DCUN1D3: variants seen among roughly 807,000 people sequenced by gnomAD.
The protein encoded by DCUN1D3 is DCN1-like protein 3.
Under a neutral mutation model 24.8 loss-of-function variants are expected in DCUN1D3, and 6 were observed. The observed-to-expected ratio is 0.24, with a 90% CI of 0.13 to 0.48. The LOEUF (loss-of-function observed/expected upper bound fraction) is 0.48. Ranked by LOEUF, DCUN1D3 falls within the 20% of genes least tolerant of loss-of-function variation. DCUN1D3 has a pLI of 0.99. For missense variants in DCUN1D3, 258 were observed against 379.4 expected, an observed-to-expected ratio of 0.68 and a Z score of 2.66; for synonymous variants, 120 against 144.9, an observed-to-expected ratio of 0.83 and a Z score of 1.24.
At chr16:20,877,030 G>A (rs954917844) in intron 1 of DCUN1D3, among the ~76,000 whole-genome samples, 1 of 152,122 alleles carries the variant, frequency 6.6e-6, no homozygotes, top group Admixed American at 6.5e-5. Context: ...GGAAAAATCA[G>A]TAGGGTGACT....
chr16:20,872,408 G>C (rs1158363282), intron 1 of DCUN1D3, among the ~76,000 whole-genome samples: 2 of 151,790 alleles, frequency 1.3e-5, no homozygotes, highest in African/African-American at 2.4e-5. Context: ...GGAGCCAAAG[G>C]CCTCTAAGTA....
intron 1 of DCUN1D3, among the ~76,000 whole-genome samples, chr16:20,894,987 T>C (rs934325633): frequency 2.6e-5 from 4 of 151,888 alleles, no homozygotes; most frequent in South Asian, 2.1e-4. Context: ...CGACCAACCA[T>C]GGGTCAAAAA....
In DCUN1D3 at chr16:20,857,330, G is replaced by A. The variant is rs1466993976; in HGVS notation, c.*2556C>T. 6.6e-6 allele frequency: 1 copy of A among 152,216 alleles called. No individual in the cohort carries two copies. The highest frequency in any genetic ancestry group is 2.4e-5 in the African/African-American group (1 of 41,446). The allele number at this position is 152,216 out of a possible 1,614,324, so 9.4% of individuals were successfully genotyped here. Reference sequence around the variant, plus strand: ...AATGGCTTTTTTGGTGGGGGATGAGGAGGCTAAATAGTTAATTTAAAAAAC... The same window carrying A: ...AATGGCTTTTTTGGTGGGGGATGAGAAGGCTAAATAGTTAATTTAAAAAAC... On this transcript the variant is annotated 3_prime_UTR_variant, in exon 3 of 3. Transcript: ENST00000324344.
chr16:20,889,972 C>G (rs2081884727), intron 1 of DCUN1D3, among the ~76,000 whole-genome samples: 1 of 152,116 alleles, frequency 6.6e-6, no homozygotes, highest in South Asian at 2.1e-4. Context: ...AAACCTCAAT[C>G]AGAACTCCGA....
At chr16:20,875,210 GCACACA>G (rs3222584) in intron 1 of DCUN1D3, among the ~76,000 whole-genome samples, 5,608 of 140,218 alleles carry the variant, frequency 0.04, 138 homozygotes, top group East Asian at 0.087. Flanking sequence ...GTGCGCTCAT[GCACACA>G]CACACACACA....
chr16:20,868,592 T>C (rs1223144692), intron 1 of DCUN1D3, among the ~76,000 whole-genome samples: 2 of 152,222 alleles, frequency 1.3e-5, no homozygotes, highest in African/African-American at 4.8e-5. Context: ...ATTTGGTTGG[T>C]GTTAGCCTCT....
chr16:20,873,526 T>C (rs969102372), intron 1 of DCUN1D3, among the ~76,000 whole-genome samples: 1 of 152,238 alleles, frequency 6.6e-6, no homozygotes, highest in Non-Finnish European at 1.5e-5. Context: ...TAACATGGGC[T>C]GTCAAGCTGC....
rs1213388533 is a variant in DCUN1D3 at position 20,860,636 on chromosome 16, C to T, written c.432-267G>A. Among the ~76,000 whole-genome samples the T allele has an allele frequency of 6.6e-6, 1 of 152,166 alleles. No individual in the cohort carries two copies. The highest frequency in any genetic ancestry group is 1.5e-5 in the Non-Finnish European group (1 of 68,026). On this transcript the variant is annotated intron_variant, in intron 2 of 2. Transcript: ENST00000324344. This position sits in a 1 kb window ranked among gnomAD's most constrained non-coding sequence, Gnocchi z 4.3. ...GGCAGCTGATAATGGTTCATTTATT[C>T]ATTCATTCATCTTCCCAAAGCTAAA...
Position 20,862,217 on chromosome 16 carries a change from C to A in DCUN1D3, c.322G>T (p.Glu108Ter). Residue 108 changes from glutamate (E) to a stop codon, truncating the protein, a stop_gained, in exon 2 of 3, where the codon GAG becomes TAG. Coordinates refer to ENST00000324344, the MANE Select transcript of DCUN1D3 (RefSeq NM_173475.4). LOFTEE classifies it high-confidence loss of function. Reference protein sequence around the residue: ...YKDEREDAILEEGMERFCNDL... With the variant: ...YKDEREDAIL ...TTGCAAAAGCGCTCCATGCCTTCCTCCAAAATTGCATCTTCCCGCTCATCC... is the reference window on the plus strand; with the variant it reads ...TTGCAAAAGCGCTCCATGCCTTCCTACAAAATTGCATCTTCCCGCTCATCC... The A allele has an allele frequency of 6.2e-7, 1 of 1,614,242 alleles. No individual in the cohort carries two copies. Among genetic ancestry groups the A allele is most frequent in the Non-Finnish European group, 8.5e-7 (1 of 1,180,044 alleles).
intron 1 of DCUN1D3, among the ~76,000 whole-genome samples, chr16:20,895,717 C>T (rs1170566625): frequency 1.3e-5 from 2 of 152,136 alleles, no homozygotes; most frequent in South Asian, 2.1e-4. Context: ...GGAACACAGA[C>T]GTAAGAACTA....
chr16:20,880,791 T>C (rs1198904944), intron 1 of DCUN1D3, among the ~76,000 whole-genome samples: 5 of 152,080 alleles, frequency 3.3e-5, no homozygotes, highest in Non-Finnish European at 7.3e-5. Context: ...CCACAAATAG[T>C]TTCCCAAGGT....
chr16:20,889,224 CAAA>C (rs398028978), intron 1 of DCUN1D3, among the ~76,000 whole-genome samples: 3 of 109,854 alleles, frequency 2.7e-5, no homozygotes, highest in Admixed American at 9.8e-5. Context: ...GACTCCATCT[CAAA>C]AAAAAAAAAA....
Position 20,875,218 on chromosome 16 carries a change from A to G in DCUN1D3, c.-105-12575T>C, listed in dbSNP as rs553253484. The stretch of plus-strand genomic sequence containing the variant: ...AAACTGCGTGCGCTCATGCACACAC[A>G]CACACACACACACACACACACACAC... On this transcript the variant is annotated intron_variant, in intron 1 of 2. Transcript: ENST00000324344. Among the ~76,000 whole-genome samples the G allele has an allele frequency of 6.0e-3, 743 of 123,886 alleles. 10 individuals are homozygous for G. The highest frequency in any genetic ancestry group is 0.023 in the African/African-American group (696 of 30,588). 81.3% of individuals were successfully genotyped at this position (123,886 alleles called of 152,430 possible). A position where few individuals can be genotyped will look rare whatever the true frequency, so the allele number is the denominator to read the frequency against.
chr16:20,884,848 C>T (rs764067002), intron 1 of DCUN1D3, among the ~76,000 whole-genome samples: 4 of 152,186 alleles, frequency 2.6e-5, no homozygotes, highest in East Asian at 3.8e-4. Flanking sequence ...AAATGAAGTT[C>T]GAGGTTGCAG....
chr16:20,894,623 A>G (rs948340425), intron 1 of DCUN1D3, among the ~76,000 whole-genome samples: 1 of 152,234 alleles, frequency 6.6e-6, no homozygotes, highest in African/African-American at 2.4e-5. Context: ...AGTACAGCTC[A>G]AAGGACACTC....
intron 1 of DCUN1D3, among the ~76,000 whole-genome samples, chr16:20,888,419 C>T (rs2081876731): frequency 6.6e-6 from 1 of 152,198 alleles, no homozygotes; most frequent in South Asian, 2.1e-4. Context: ...CCCAGACTGA[C>T]TCTAGAGACT....
chr16:20,894,088 G>A (rs1172805328), intron 1 of DCUN1D3, among the ~76,000 whole-genome samples: 2 of 152,086 alleles, frequency 1.3e-5, no homozygotes, highest in African/African-American at 2.4e-5. Flanking sequence ...GCAACACAGC[G>A]AAACCCCATC....
At chr16:20,877,196 C>T (rs1482399968) in intron 1 of DCUN1D3, among the ~76,000 whole-genome samples, 1 of 151,876 alleles carries the variant, frequency 6.6e-6, no homozygotes, top group Non-Finnish European at 1.5e-5. Context: ...CATATTATCA[C>T]ATGTCTCAAA....
chr16:20,872,006 G>A (rs975309530), intron 1 of DCUN1D3, among the ~76,000 whole-genome samples: 3 of 152,170 alleles, frequency 2.0e-5, no homozygotes, highest in African/African-American at 7.2e-5. Flanking sequence ...TTATAAGCTT[G>A]CAGCTTGTTT....
Sources: allele counts gnomAD v4.1 joint callset (sites outside exome capture counted in the v4.1 genomes callset), GRCh38; gene constraint gnomAD v4.1.1; non-coding constraint Gnocchi (gnomAD v3.1); transcripts MANE v1.5; gene names NCBI Gene and HGNC (gene_info 2026-07-23, HGNC 2026-07-21).